The following XRRA1 variants were observed in gnomAD, a reference collection of about 807,000 sequenced individuals.
XRRA1 encodes X-ray radiation resistance associated 1, also known as X-ray radiation resistance-associated protein 1.
A neutral mutation model predicts 80.2 loss-of-function variants in XRRA1; 69 were observed. That is an observed-to-expected ratio of 0.86 (90% CI 0.71 to 1.05). The LOEUF (loss-of-function observed/expected upper bound fraction) is 1.05, where lower values mean the gene tolerates loss of function less well. Among genes scored for constraint, XRRA1 ranks in the 50% least tolerant of loss-of-function variants. The probability of loss-of-function intolerance (pLI) is 0.00; values close to 1 mark genes in which losing one functional copy is unlikely to be tolerated. For synonymous variants in XRRA1, 348 were observed against 389.9 expected (o/e 0.89, Z 1.27); for missense variants, 967 against 976.4 (o/e 0.99, Z 0.13).
In XRRA1 at chr11:74,842,473, T is replaced by G. The variant is rs994321179; in HGVS notation, c.*727A>C. 2.6e-5 allele frequency: 4 copies of G among 152,242 alleles called. No homozygotes were observed. The highest frequency in any genetic ancestry group is 9.6e-5 in the African/African-American group (4 of 41,460). The allele number at this position is 152,242 out of a possible 1,614,324, so 9.4% of individuals were successfully genotyped here. A position where few individuals can be genotyped will look rare whatever the true frequency, so the allele number is the denominator to read the frequency against. On this transcript the variant is annotated 3_prime_UTR_variant, in exon 19 of 19. Coordinates refer to ENST00000684022, the MANE Select transcript of XRRA1 (RefSeq NM_001378157.1). ...AACAATCTCAGACAAAAACATGGGT[T>G]AAGCTTAGGCTGTGTGTGGATTTTT...
intron 4 of XRRA1, among the ~76,000 whole-genome samples, chr11:74,936,411 C>T (rs1055059178): frequency 1.3e-5 from 2 of 152,262 alleles, no homozygotes; most frequent in Non-Finnish European, 2.9e-5. Flanking sequence ...CCAAAGAGCA[C>T]AGCAGGAATC....
intron 18 of XRRA1, 35 bp from the exon 19 acceptor site, chr11:74,843,488 C>T (rs1360485739): frequency 6.3e-7 from 1 of 1,595,260 alleles, no homozygotes; most frequent in East Asian, 2.3e-5. Flanking sequence ...GCACCAAGCT[C>T]ATCCTGGTTC....
chr11:74,853,326 A>C (rs574277597), intron 12 of XRRA1, among the ~76,000 whole-genome samples: 5 of 152,268 alleles, frequency 3.3e-5, no homozygotes, highest in African/African-American at 1.2e-4. Flanking sequence ...CTCTGTATTA[A>C]CCAAAACCAT....
chr11:74,940,775 G>GT lies in XRRA1; in HGVS notation c.94+9dup. 1 of 1,595,260 alleles carries GT rather than the reference G, an allele frequency of 6.3e-7. No individual in the cohort carries two copies. The highest frequency in any genetic ancestry group is 8.5e-7 in the Non-Finnish European group (1 of 1,170,534). On this transcript the variant is annotated intron_variant, in intron 3 of 18. Coordinates refer to ENST00000684022, the MANE Select transcript of XRRA1 (RefSeq NM_001378157.1). ...TGAGGAAAAGGTAGCTATTTGAGAA[G>GT]TCACCTGACCTTCCTCCGGCACGCG...
chr11:74,848,894 T>C (rs1289844275), intron 14 of XRRA1, among the ~76,000 whole-genome samples: 1 of 152,204 alleles, frequency 6.6e-6, no homozygotes, highest in Non-Finnish European at 1.5e-5. Flanking sequence ...CCCCAGGGAC[T>C]CCGAGGAGAG....
intron 7 of XRRA1, 24 bp downstream of exon 7, chr11:74,927,367 A>G: frequency 6.7e-7 from 1 of 1,481,990 alleles, no homozygotes; most frequent in South Asian, 1.1e-5. Flanking sequence ...GGTGGGCACC[A>G]AAAACTCCCT....
In XRRA1 at chr11:74,897,242, C is replaced by T. The variant is rs189943189; in HGVS notation, c.1003+8997G>A. On this transcript the variant is annotated intron_variant, in intron 10 of 18. Transcript: ENST00000684022. ...AATGTAATTGATATACTAAAGAATGCATCAGTCTCTTGAGAGCAGAAAGGA... is the reference window on the plus strand; with the variant it reads ...AATGTAATTGATATACTAAAGAATGTATCAGTCTCTTGAGAGCAGAAAGGA... 2.5e-3 allele frequency among the ~76,000 whole-genome samples: 379 copies of T among 151,790 alleles called. 2 individuals carry two copies. The highest frequency in any genetic ancestry group is 8.9e-3 in the African/African-American group (370 of 41,372).
In XRRA1 at chr11:74,848,456, T is replaced by C. The variant is rs180810179; in HGVS notation, c.1387A>G (p.Ser463Gly). 206 of 1,605,578 alleles carry C rather than the reference T, an allele frequency of 1.3e-4. 1 individual carries two copies. The East Asian group carries it at 4.1e-3, about 32-fold the overall frequency. Residue 463 changes from serine to glycine, a missense_variant, in exon 15 of 19, where the codon AGC (serine) becomes GGC (glycine). Physicochemically the swap from Ser to Gly is moderately conservative, Grantham distance 56. Coordinates refer to ENST00000684022, the MANE Select transcript of XRRA1 (RefSeq NM_001378157.1). The stretch of plus-strand genomic sequence containing the variant: ...TGCTTCGGCACCTTTGGGATTTCGC[T>C]TTTCACCTGTCATGGAGAAGGGCCA... ...MSRKESWKVKSEIPKVPKQPL... is the reference protein window; with the variant it reads ...MSRKESWKVKGEIPKVPKQPL...
chr11:74,903,466 G>A (rs1438324215), intron 10 of XRRA1, among the ~76,000 whole-genome samples: 1 of 152,242 alleles, frequency 6.6e-6, no homozygotes, highest in African/African-American at 2.4e-5. Context: ...CACTTTGGGA[G>A]GCTGAGGCAG....
intron 10 of XRRA1, among the ~76,000 whole-genome samples, chr11:74,904,112 C>A (rs552925744): frequency 1.3e-5 from 2 of 152,110 alleles, no homozygotes; most frequent in East Asian, 3.9e-4. Flanking sequence ...ATCTTTCAGT[C>A]TAAAGAATCA....
chr11:74,915,986 T>C (rs1053930821), intron 8 of XRRA1, among the ~76,000 whole-genome samples: 1 of 152,190 alleles, frequency 6.6e-6, no homozygotes, highest in African/African-American at 2.4e-5. Context: ...AAATATTTAA[T>C]ATATCAGCCC....
chr11:74,843,737 T>A (rs1005924984), intron 18 of XRRA1, 117 bp downstream of exon 18: 33 of 940,820 alleles, frequency 3.5e-5, no homozygotes, highest in Non-Finnish European at 8.2e-6. Context: ...ATGTAGAGAC[T>A]GATGTAGGCA....
chr11:74,858,078 T>C (rs1474836238), intron 12 of XRRA1, among the ~76,000 whole-genome samples: 13 of 152,174 alleles, frequency 8.5e-5, no homozygotes, highest in Admixed American at 8.5e-4. Flanking sequence ...AAAATCATTT[T>C]AAGTAAAAGA....
At chr11:74,918,113 T>C (rs567643899) in intron 8 of XRRA1, among the ~76,000 whole-genome samples, 1 of 151,976 alleles carries the variant, frequency 6.6e-6, no homozygotes, top group Non-Finnish European at 1.5e-5. Flanking sequence ...CCTTCAGAAG[T>C]GAAGGTTCAG....
chr11:74,843,721 A>G (rs1299299065), intron 18 of XRRA1, 133 bp downstream of exon 18: 6 of 875,142 alleles, frequency 6.9e-6, no homozygotes, highest in South Asian at 6.7e-5. Context: ...CCTTTTGTCC[A>G]TCTACATGTA....
chr11:74,906,184 A>T, intron 10 of XRRA1, 55 bp downstream of exon 10: 2 of 1,519,254 alleles, frequency 1.3e-6, no homozygotes, highest in Middle Eastern at 2.1e-4. Flanking sequence ...ATAAACTCTC[A>T]GAAGTGTATT....
rs113267987 is a variant in XRRA1, at chr11:74,875,505, T to C, written c.1004-12484A>G. ...TTCACTTGGGAAAGGATAAAACTTA[T>C]CAGTGTGCCCAGAGATTTTTCAGGA... is the stretch of plus-strand genomic sequence containing the variant. On this transcript the variant is annotated intron_variant, in intron 10 of 18. Coordinates refer to ENST00000684022, the MANE Select transcript of XRRA1 (RefSeq NM_001378157.1). Among the ~76,000 whole-genome samples the C allele has an allele frequency of 3.1e-3, 475 of 152,298 alleles. 11 individuals are homozygous for C. The highest frequency in any genetic ancestry group is 0.022 in the Admixed American group (332 of 15,290).
At chr11:74,863,115 C>T (rs1260670299) in intron 10 of XRRA1, 94 bp from the exon 11 acceptor site, 3 of 1,181,384 alleles carry the variant, frequency 2.5e-6, no homozygotes, top group Admixed American at 4.0e-5. Flanking sequence ...CTGTGTGCAG[C>T]AGGGCACCTC....
chr11:74,935,148 G>C (rs1189220898), intron 4 of XRRA1, among the ~76,000 whole-genome samples: 1 of 152,176 alleles, frequency 6.6e-6, no homozygotes, highest in Non-Finnish European at 1.5e-5. Context: ...GTTGAGGAGG[G>C]GGACCGGTTT....
Sources: allele counts gnomAD v4.1 joint callset (sites outside exome capture counted in the v4.1 genomes callset), GRCh38; gene constraint gnomAD v4.1.1; transcripts MANE v1.5; gene names NCBI Gene and HGNC (gene_info 2026-07-23, HGNC 2026-07-21).